Variants in SCAF1 observed in about 807,000 individuals in gnomAD.
SCAF1 encodes the protein SR-related CTD associated factor 1.
In SCAF1, 28 loss-of-function variants were observed where a neutral mutation model predicts 91.2. The ratio of observed to expected loss-of-function variants is 0.31; its 90% CI spans 0.23 to 0.42. The LOEUF (loss-of-function observed/expected upper bound fraction) is 0.42, where lower values mean the gene tolerates loss of function less well. Among genes scored for constraint, SCAF1 ranks in the 10% least tolerant of loss-of-function variants. The pLI, the probability that SCAF1 is intolerant of heterozygous loss-of-function variation, is 1.00. For synonymous variants in SCAF1, 1,036 were observed against 833.7 expected (o/e 1.24, Z -4.18); for missense variants, 1,893 against 1,872.1 (o/e 1.01, Z -0.21).
intron 6 of SCAF1, among the ~76,000 whole-genome samples, chr19:49,650,119 A>AG (rs2081076961): frequency 6.6e-6 from 1 of 152,120 alleles, no homozygotes. Context: ...CCTGGTTTGG[A>AG]GGAAGAGGCA....
At position 49,648,666 on chromosome 19, in the gene SCAF1, A is replaced by G. The variant is rs941291170; in HGVS notation, c.478+1836A>G. 4.6e-5 allele frequency among the ~76,000 whole-genome samples: 7 copies of G among 151,042 alleles called. 1 individual carries two copies. The highest frequency in any genetic ancestry group is 4.2e-4 in the South Asian group (2 of 4,736). On this transcript the variant is annotated intron_variant, in intron 6 of 10. Coordinates refer to ENST00000360565, the MANE Select transcript of SCAF1 (RefSeq NM_021228.3). ...CTTAGGGGCCCACAAAAGTGTTTCA[A>G]TTTCTTTAAAATCAGAAGCTGTAGG...
At chr19:49,641,545 G>C (rs2081026131), upstream of SCAF1, among the ~76,000 whole-genome samples, 1 of 152,210 alleles carries the variant, frequency 6.6e-6, no homozygotes, top group South Asian at 2.1e-4. Context: ...TTGAACTCCT[G>C]ATATCAGATG....
upstream of SCAF1, among the ~76,000 whole-genome samples, chr19:49,640,810 A>G (rs374880985): frequency 2.6e-5 from 4 of 152,160 alleles, no homozygotes; most frequent in Non-Finnish European, 5.9e-5. Flanking sequence ...TTCCTAATCC[A>G]TGAGCCAGCT....
In SCAF1 at chr19:49,652,341, G is replaced by C. The variant is rs758561825; in HGVS notation, c.1952G>C (p.Gly651Ala). 1.3e-6 allele frequency: 2 copies of C among 1,537,040 alleles called. No homozygotes were observed. The highest frequency in any genetic ancestry group is 2.8e-5 in the African/African-American group (2 of 72,644). The change falls in exon 7 of 11, where the codon GGT becomes GCT. Residue 651 changes from glycine (G) to alanine (A), a missense_variant. This residue lies in a region of SCAF1 where 1,436 missense variants were observed against 1,306.8 expected (regional missense o/e 1.10). Transcript: ENST00000360565. ...AAGAAGAAGCGGTCGCGGTCCCGGG[G>C]TGAGAAGCGGTCTGGGGATGGCAGC... is the stretch of plus-strand genomic sequence containing the variant. Reference protein sequence around the residue: ...KKKKKRSRSRGEKRSGDGSEK... With the variant: ...KKKKKRSRSRAEKRSGDGSEK...
intron 6 of SCAF1, among the ~76,000 whole-genome samples, chr19:49,647,756 T>A (rs1385664017): frequency 6.6e-6 from 1 of 152,098 alleles, no homozygotes; most frequent in Non-Finnish European, 1.5e-5. Flanking sequence ...CTCAGCCTCC[T>A]GAGTAGCTGG....
rs762841091 is a variant in SCAF1, at chr19:49,657,900, GGA to G, written c.3747+17_3747+18del. On this transcript the variant is annotated intron_variant, in intron 10 of 10. Coordinates refer to ENST00000360565, the MANE Select transcript of SCAF1 (RefSeq NM_021228.3). ...AAGGCCGTCCACAAGGTGGGCACCC[GGA>G]GAGAGGGGCAGACACAGGCCGGGGA... 3.1e-6 allele frequency: 5 copies of G among 1,609,906 alleles called. No homozygotes were observed. The highest frequency in any genetic ancestry group is 4.5e-5 in the East Asian group (2 of 44,726).
In SCAF1 at chr19:49,651,460, C is replaced by T. The variant is rs1186291463; in HGVS notation, c.1071C>T (p.Thr357=). 4 of 1,589,832 alleles carry T rather than the reference C, an allele frequency of 2.5e-6. No individual in the cohort carries two copies. Among genetic ancestry groups the T allele is most frequent in the East Asian group, 2.3e-5 (1 of 43,930 alleles). The change falls in exon 7 of 11, where the codon ACC becomes ACT. Residue 357 remains threonine, a synonymous_variant. Transcript: ENST00000360565. ...GCCGGCGGGTCTTCGTGGTGGGGAC[C>T]GAGGCAGAGGCTTGTCGGGAAGGCA... ...AMRRRVFVVG[T]EAEACREGKV...
chr19:49,654,594 C>A, intron 8 of SCAF1, 58 bp from the exon 9 acceptor site: 2 of 1,399,864 alleles, frequency 1.4e-6, no homozygotes, highest in Non-Finnish European at 2.0e-6. Flanking sequence ...GTGGGGTGCA[C>A]GTCCCCTCTT....
chr19:49,652,827 TCAG>T lies in SCAF1; in HGVS notation c.2443_2445del (p.Ser815del). The T allele has an allele frequency of 6.2e-7, 1 of 1,613,832 alleles. No individual in the cohort carries two copies. The highest frequency in any genetic ancestry group is 1.1e-5 in the South Asian group (1 of 91,060). On this transcript the variant is annotated inframe_deletion, in exon 7 of 11. Transcript: ENST00000360565. ...TCAGGGCCCCCGCCAAAGCCACCAG[TCAG>T]CAGCGGCTCAGGCTCTTCATCCTCG...
At position 49,646,526 on chromosome 19, in the gene SCAF1, G is replaced by A. The variant is rs1481908995; in HGVS notation, c.262G>A (p.Val88Met). The A allele has an allele frequency of 6.2e-7, 1 of 1,613,550 alleles. No individual in the cohort carries two copies. Among genetic ancestry groups the A allele is most frequent in the Non-Finnish European group, 8.5e-7 (1 of 1,179,682 alleles). Residue 88 changes from valine (V) to methionine (M), a missense_variant and splice_region_variant, in exon 5 of 11, where the codon GTG becomes ATG. By Grantham distance (21) the Val-to-Met change is conservative. Transcript: ENST00000360565. The surrounding 1 kb of genome is among the most constrained non-coding windows in gnomAD (Gnocchi z 5.6). Reference protein sequence around the residue: ...QESGGTDTATVLDMATDSFLA... With the variant: ...QESGGTDTATMLDMATDSFLA... ...GTAGAGCCTCTCTGGCCTCTTCCAG[G>A]TGTTGGACATGGCCACGGACAGCTT...
At position 49,651,785 on chromosome 19, in the gene SCAF1, C is replaced by T. The variant is rs1243962159; in HGVS notation, c.1396C>T (p.Pro466Ser). The T allele has an allele frequency of 3.9e-6, 5 of 1,289,832 alleles. No individual in the cohort carries two copies. The African/African-American group carries it at 4.8e-5, about 12-fold the overall frequency. 79.9% of individuals were successfully genotyped at this position (1,289,832 alleles called of 1,614,324 possible). The stretch of plus-strand genomic sequence containing the variant: ...CGCCCTGCAGGTGGACCTAGGGGAG[C>T]CGGCTCCCGCGCCGCCCGCCGCCGA... The part of the protein sequence containing the change: ...EGALQVDLGE[P>S]APAPPAADSR... Residue 466 changes from proline to serine, a missense_variant, in exon 7 of 11, where the codon CCG becomes TCG. By Grantham distance (74) the Pro-to-Ser change is moderately conservative (BLOSUM62 -1). Coordinates refer to ENST00000360565, the MANE Select transcript of SCAF1 (RefSeq NM_021228.3).
chr19:49,645,725 A>G lies in SCAF1; in HGVS notation c.166+314A>G, dbSNP rs561347243. Among the ~76,000 whole-genome samples the G allele has an allele frequency of 6.6e-6, 1 of 152,290 alleles. No homozygotes were observed. The highest frequency in any genetic ancestry group is 6.5e-5 in the Admixed American group (1 of 15,308). Reference sequence around the variant, plus strand: ...TAGAAGAGTCTAAGGACCTAGGATTAGAGGGAAGCCTGATCAGCTGCAGCA... The same window carrying G: ...TAGAAGAGTCTAAGGACCTAGGATTGGAGGGAAGCCTGATCAGCTGCAGCA... On this transcript the variant is annotated intron_variant, in intron 3 of 10. Coordinates refer to ENST00000360565, the MANE Select transcript of SCAF1 (RefSeq NM_021228.3). This position sits in a 1 kb window ranked among gnomAD's most constrained non-coding sequence, Gnocchi z 4.6.
Position 49,653,172 on chromosome 19 carries a change from G to T in SCAF1, c.2783G>T (p.Arg928Leu). Reference sequence around the variant, plus strand: ...CCATCCAAGACCAGGAAAAAGGTCCGCAGTGGAGGTGGCAGCGGGGGCAGT... The same window carrying T: ...CCATCCAAGACCAGGAAAAAGGTCCTCAGTGGAGGTGGCAGCGGGGGCAGT... ...TKPSKTRKKV[R>L]SGGGSGGSGG... is the part of the protein sequence containing the mutation. Residue 928 changes from arginine to leucine, a missense_variant, in exon 7 of 11, where the codon CGC (arginine) becomes CTC (leucine). Arg to Leu is a moderately radical substitution (Grantham distance 102, BLOSUM62 -2). This residue lies in a region of SCAF1 where 1,436 missense variants were observed against 1,306.8 expected (regional missense o/e 1.10). Coordinates refer to ENST00000360565, the MANE Select transcript of SCAF1 (RefSeq NM_021228.3). 1 of 1,591,834 alleles carries T rather than the reference G, an allele frequency of 6.3e-7. No individual in the cohort carries two copies. Among genetic ancestry groups the T allele is most frequent in the Admixed American group, 1.8e-5 (1 of 55,756 alleles).
At position 49,657,764 on chromosome 19, in the gene SCAF1, C is replaced by A. The variant is rs867314738; in HGVS notation, c.3622C>A (p.Leu1208Met). Residue 1208 changes from leucine to methionine, a missense_variant, in exon 10 of 11, where the codon CTG becomes ATG. By Grantham distance (15) the Leu-to-Met change is conservative. Coordinates refer to ENST00000360565, the MANE Select transcript of SCAF1 (RefSeq NM_021228.3). ...SEGRGDTDKY[L>M]KKLHTQERAV... ...CCCGCTGTCGCCACCCCACCAGTAT[C>A]TGAAGAAGCTGCACACGCAGGAGCG... The A allele has an allele frequency of 2.5e-6, 4 of 1,600,310 alleles. No individual in the cohort carries two copies. In the South Asian group the frequency reaches 4.5e-5, roughly 18 times the overall value.
Position 49,651,122 on chromosome 19 carries a change from G to A in SCAF1, c.733G>A (p.Glu245Lys), listed in dbSNP as rs778179095. Residue 245 changes from glutamate (E) to lysine (K), a missense_variant, in exon 7 of 11, where the codon GAG (glutamate) becomes AAG (lysine). Glu to Lys is a moderately conservative substitution (Grantham distance 56). Around this residue, in one of 5 missense-constraint regions of SCAF1, gnomAD observed 80 missense variants for 116.6 expected, o/e 0.69. Coordinates refer to ENST00000360565, the MANE Select transcript of SCAF1 (RefSeq NM_021228.3). The stretch of plus-strand genomic sequence containing the variant: ...GGCCTACTCTCCACCGCCTGCTCCG[G>A]AGCAAAAGTACGACCCTTTTGAGCC... ...DEAYSPPPAP[E>K]QKYDPFEPTG... is the part of the protein sequence containing the mutation. 6 of 1,610,964 alleles carry A rather than the reference G, an allele frequency of 3.7e-6. No homozygotes were observed. In the African/African-American group the frequency reaches 8.1e-5, roughly 22 times the overall value.
Position 49,652,131 on chromosome 19 carries a change from GCTC to G in SCAF1, c.1744_1746del (p.Ser582del). The G allele has an allele frequency of 1.0e-6, 1 of 993,932 alleles. No homozygotes were observed. Among genetic ancestry groups the G allele is most frequent in the African/African-American group, 2.6e-5 (1 of 38,114 alleles). The allele number at this position is 993,932 out of a possible 1,614,324, so 61.6% of individuals were successfully genotyped here. ...CGCTCCCGCTCCCGCTCCCGCTCCCGCTCCACCCGCCGCCGCTCGCGCAGCACC... is the reference window on the plus strand; with the variant it reads ...CGCTCCCGCTCCCGCTCCCGCTCCCGCACCCGCCGCCGCTCGCGCAGCACC... On this transcript the variant is annotated inframe_deletion, in exon 7 of 11. Transcript: ENST00000360565.
chr19:49,643,226 T>G (rs1295190254), intron 1 of SCAF1, among the ~76,000 whole-genome samples: 1 of 152,218 alleles, frequency 6.6e-6, no homozygotes, highest in Non-Finnish European at 1.5e-5. Flanking sequence ...GAGGGTCATC[T>G]AGACCCACTA....
Position 49,652,267 on chromosome 19 carries a change from G to A in SCAF1, c.1878G>A (p.Arg626=), listed in dbSNP as rs2066873676. ...CCACTTCCTCATCGTCGTCCTCGAG[G>A]CGCGAGCGGCACCGCGGGAAACACC... The part of the protein sequence containing the change: ...PPATSSSSSS[R]RERHRGKHRD... Residue 626 remains arginine (R), a synonymous_variant, in exon 7 of 11, where the codon AGG becomes AGA. Coordinates refer to ENST00000360565, the MANE Select transcript of SCAF1 (RefSeq NM_021228.3). 1 of 1,470,084 alleles carries A rather than the reference G, an allele frequency of 6.8e-7. No homozygotes were observed. The highest frequency in any genetic ancestry group is 9.0e-7 in the Non-Finnish European group (1 of 1,115,244). 91.1% of individuals were successfully genotyped at this position (1,470,084 alleles called of 1,614,324 possible).
At position 49,652,638 on chromosome 19, in the gene SCAF1, A is replaced by C; in HGVS notation, c.2249A>C (p.Asp750Ala). ...CGGGGCGGCAAGAGCAGCCAGAAGG[A>C]TCGGCGCCGCTCGGGGGCCGCCTCC... ...EERGGKSSQK[D>A]RRRSGAASSS... Residue 750 changes from aspartate (D) to alanine (A), a missense_variant, in exon 7 of 11, where the codon GAT becomes GCT. Asp to Ala is a moderately radical substitution (Grantham distance 126). Around this residue, in one of 5 missense-constraint regions of SCAF1, gnomAD observed 1,436 missense variants for 1,306.8 expected, o/e 1.10. Coordinates refer to ENST00000360565, the MANE Select transcript of SCAF1 (RefSeq NM_021228.3). The C allele has an allele frequency of 6.4e-7, 1 of 1,560,654 alleles. No individual in the cohort carries two copies. The highest frequency in any genetic ancestry group is 8.7e-7 in the Non-Finnish European group (1 of 1,152,558).
Sources: allele counts gnomAD v4.1 joint callset (sites outside exome capture counted in the v4.1 genomes callset), GRCh38; gene constraint gnomAD v4.1.1; regional missense constraint gnomAD v4.1.1; non-coding constraint Gnocchi (gnomAD v3.1); transcripts MANE v1.5; gene names NCBI Gene and HGNC (gene_info 2026-07-23, HGNC 2026-07-21).